HSDL2: variants seen among roughly 807,000 people sequenced by gnomAD.
HSDL2 encodes hydroxysteroid dehydrogenase like 2.
In HSDL2, 27 loss-of-function variants were observed where a neutral mutation model predicts 46.3. The observed-to-expected ratio is 0.58, with a 90% CI of 0.43 to 0.80. The LOEUF is 0.80. Among genes scored for constraint, HSDL2 ranks in the 30% least tolerant of loss-of-function variants. The pLI is 0.00. For synonymous variants in HSDL2, 153 were observed against 163.6 expected (o/e 0.94, Z 0.50); for missense variants, 451 against 502.7 (o/e 0.90, Z 0.98).
intron 6 of HSDL2, among the ~76,000 whole-genome samples, chr9:112,434,804 C>A (rs1212979253): frequency 6.6e-6 from 1 of 152,148 alleles, no homozygotes; most frequent in African/African-American, 2.4e-5. Flanking sequence ...AATCTTTGGT[C>A]TTAAGACTGT....
chr9:112,393,725 T>A (rs1831395757), intron 1 of HSDL2, among the ~76,000 whole-genome samples: 1 of 152,244 alleles, frequency 6.6e-6, no homozygotes, highest in Admixed American at 6.5e-5. Context: ...AAGGTCTGGG[T>A]AAAGTTACTG....
chr9:112,436,084 G>T (rs551884138), intron 6 of HSDL2, among the ~76,000 whole-genome samples: 1 of 151,444 alleles, frequency 6.6e-6, no homozygotes, highest in Admixed American at 6.6e-5. Flanking sequence ...AGACCAGCCT[G>T]GGAAACATAG....
Position 112,420,956 on chromosome 9 carries a change from T to TG in HSDL2, c.598+1998_598+1999insG, listed in dbSNP as rs1165615727. On this transcript the variant is annotated intron_variant, in intron 6 of 10. Coordinates refer to ENST00000398805, the MANE Select transcript of HSDL2 (RefSeq NM_032303.5). The stretch of plus-strand genomic sequence containing the variant: ...TAAATGAGCGCTGGTAATTTTTTTT[T>TG]TTCCTAAACAGGAAGTGGGTTAAAA... 1.8e-4 allele frequency among the ~76,000 whole-genome samples: 27 copies of TG among 152,084 alleles called. No homozygotes were observed. The East Asian group carries it at 5.0e-3, about 28-fold the overall frequency.
At chr9:112,402,049 C>CA (rs1477490615) in intron 1 of HSDL2, among the ~76,000 whole-genome samples, 1 of 152,108 alleles carries the variant, frequency 6.6e-6, no homozygotes, top group Non-Finnish European at 1.5e-5. Context: ...CCTTTATTAA[C>CA]AAACCTGTTA....
chr9:112,426,329 G>A (rs7872078), intron 6 of HSDL2, among the ~76,000 whole-genome samples: 41,726 of 150,080 alleles, frequency 0.28, 5,924 homozygotes, highest in Middle Eastern at 0.4. Context: ...TCTGTCTCCC[G>A]GGTTCAAGCG....
chr9:112,446,910 A>C (rs745379501), intron 8 of HSDL2, among the ~76,000 whole-genome samples: 22 of 152,230 alleles, frequency 1.4e-4, no homozygotes, highest in Admixed American at 4.6e-4. Flanking sequence ...AGTTGGTACA[A>C]GCCCAGAGTC....
chr9:112,449,582 G>A (rs13288025), intron 8 of HSDL2, among the ~76,000 whole-genome samples: 1 of 152,002 alleles, frequency 6.6e-6, no homozygotes, highest in South Asian at 2.1e-4. Flanking sequence ...CATCATTTTA[G>A]GCCGGGTGCG....
chr9:112,414,896 T>G (rs908706422), intron 4 of HSDL2, among the ~76,000 whole-genome samples: 21 of 151,580 alleles, frequency 1.4e-4, no homozygotes, highest in African/African-American at 5.1e-4. Context: ...ATTTGGTAAT[T>G]AAAAAACTGA....
chr9:112,407,135 T>C (rs1831750184), intron 3 of HSDL2, among the ~76,000 whole-genome samples: 1 of 152,174 alleles, frequency 6.6e-6, no homozygotes, highest in African/African-American at 2.4e-5. Flanking sequence ...TCCAAAATCT[T>C]ACCCCTAGCC....
chr9:112,381,690 C>T lies in HSDL2; in HGVS notation c.17+1510C>T, dbSNP rs1831101738. Among the ~76,000 whole-genome samples the T allele has an allele frequency of 3.3e-5, 5 of 152,132 alleles. No homozygotes were observed. In the South Asian group the frequency reaches 1.0e-3, roughly 32 times the overall value. The stretch of plus-strand genomic sequence containing the variant: ...TTAATGGTTGCATAATATTCTGTAA[C>T]AGCTTGAGTATCCATTATCCAAAAT... On this transcript the variant is annotated intron_variant, in intron 1 of 10. Transcript: ENST00000398805.
At chr9:112,462,675 CTT>C (rs1369462925) in intron 10 of HSDL2, among the ~76,000 whole-genome samples, 1 of 150,240 alleles carries the variant, frequency 6.7e-6, no homozygotes, top group African/African-American at 2.4e-5. Flanking sequence ...TTTTAAAAAA[CTT>C]TTGTTAAAAC....
At chr9:112,398,526 C>T (rs149835131) in intron 1 of HSDL2, among the ~76,000 whole-genome samples, 3 of 151,978 alleles carry the variant, frequency 2.0e-5, no homozygotes, top group African/African-American at 7.2e-5. Context: ...ATTGAGTCCT[C>T]AATATCGTCA....
At chr9:112,428,613 G>A (rs1444532174) in intron 6 of HSDL2, among the ~76,000 whole-genome samples, 1 of 152,138 alleles carries the variant, frequency 6.6e-6, no homozygotes, top group East Asian at 1.9e-4. Flanking sequence ...ATATTAGAGT[G>A]GATTGCATGG....
At chr9:112,432,940 G>A (rs976185377) in intron 6 of HSDL2, among the ~76,000 whole-genome samples, 2 of 151,600 alleles carry the variant, frequency 1.3e-5, no homozygotes, top group African/African-American at 4.9e-5. Flanking sequence ...GCTAATTTTT[G>A]TATTTTTTTT....
intron 6 of HSDL2, among the ~76,000 whole-genome samples, chr9:112,428,828 A>C (rs1321623626): frequency 2.0e-5 from 3 of 152,170 alleles, no homozygotes; most frequent in Non-Finnish European, 4.4e-5. Flanking sequence ...GAAGTTAAAA[A>C]GGGAGGTCTC....
chr9:112,444,834 GTT>G, intron 8 of HSDL2, among the ~76,000 whole-genome samples: 63 of 79,620 alleles, frequency 7.9e-4, no homozygotes, highest in East Asian at 7.5e-3. Flanking sequence ...ACTCAGTCTT[GTT>G]TTTTTTTTTT....
At position 112,439,755 on chromosome 9, in the gene HSDL2, G is replaced by C. The variant is rs140140959; in HGVS notation, c.793+1130G>C. ...TCTATTTAGCCTGCATAACAATTCT[G>C]TACGGAAAGTAATGCTTAGTGATTA... On this transcript the variant is annotated intron_variant, in intron 7 of 10. Transcript: ENST00000398805. Among the ~76,000 whole-genome samples the C allele has an allele frequency of 6.1e-4, 93 of 152,320 alleles. 1 individual carries two copies. Among genetic ancestry groups the C allele is most frequent in the African/African-American group, 2.2e-3 (93 of 41,562 alleles).
At chr9:112,400,079 C>T (rs548853015) in intron 1 of HSDL2, among the ~76,000 whole-genome samples, 4 of 152,314 alleles carry the variant, frequency 2.6e-5, no homozygotes, top group South Asian at 2.1e-4. Flanking sequence ...CTGGTCCCTC[C>T]GTTCGGGGTC....
At chr9:112,388,113 T>C (rs7865260) in intron 1 of HSDL2, among the ~76,000 whole-genome samples, 44,188 of 150,376 alleles carry the variant, frequency 0.29, 6,717 homozygotes, top group Admixed American at 0.38. Flanking sequence ...GAGCTGTGAT[T>C]GCACCACTGT....
Sources: allele counts gnomAD v4.1 joint callset (sites outside exome capture counted in the v4.1 genomes callset), GRCh38; gene constraint gnomAD v4.1.1; transcripts MANE v1.5; gene names NCBI Gene and HGNC (gene_info 2026-07-23, HGNC 2026-07-21).